Variants in RGS6 observed in about 807,000 individuals in gnomAD.
RGS6 encodes the protein regulator of G-protein signaling 6.
Under a neutral mutation model 78.5 loss-of-function variants are expected in RGS6, and 30 were observed. The ratio of observed to expected loss-of-function variants is 0.38; its 90% CI spans 0.29 to 0.52. RGS6 has a LOEUF of 0.52. Ranked by LOEUF, RGS6 falls within the 20% of genes least tolerant of loss-of-function variation. The probability of loss-of-function intolerance (pLI) is 0.85; values close to 1 mark genes in which losing one functional copy is unlikely to be tolerated. For missense variants in RGS6, 495 were observed against 609.7 expected, an observed-to-expected ratio of 0.81 and a Z score of 1.98; for synonymous variants, 206 against 206.0, an observed-to-expected ratio of 1.00 and a Z score of 0.00.
At chr14:72,427,542 A>G (rs532231072) in intron 3 of RGS6, among the ~76,000 whole-genome samples, 1 of 152,276 alleles carries the variant, frequency 6.6e-6, no homozygotes, top group African/African-American at 2.4e-5. Context: ...AAGATAAGTG[A>G]TTATTCTGTT....
At chr14:72,179,500 G>A (rs1299615555) in intron 2 of RGS6, among the ~76,000 whole-genome samples, 7 of 152,194 alleles carry the variant, frequency 4.6e-5, no homozygotes, top group Non-Finnish European at 5.9e-5. Flanking sequence ...TAACATAGCC[G>A]CATGGCAGGG....
At chr14:72,302,601 T>C (rs1000767645) in intron 2 of RGS6, among the ~76,000 whole-genome samples, 1 of 152,164 alleles carries the variant, frequency 6.6e-6, no homozygotes, top group Non-Finnish European at 1.5e-5. Context: ...TGCATCATTA[T>C]TGAAGTAAAT....
chr14:72,487,864 A>G (rs938563935), intron 12 of RGS6, among the ~76,000 whole-genome samples: 1 of 111,180 alleles, frequency 9.0e-6, no homozygotes, highest in Admixed American at 1.0e-4. Context: ...AAACAAATAT[A>G]AAACCCCAGT....
chr14:72,111,375 T>C (rs1436837522), intron 2 of RGS6, among the ~76,000 whole-genome samples: 1 of 152,180 alleles, frequency 6.6e-6, no homozygotes, highest in African/African-American at 2.4e-5. Flanking sequence ...GAATGGCCAT[T>C]CCATGTGGAA....
intron 1 of RGS6, among the ~76,000 whole-genome samples, chr14:71,960,038 T>C (rs1161044165): frequency 6.6e-6 from 1 of 152,180 alleles, no homozygotes; most frequent in Non-Finnish European, 1.5e-5. Flanking sequence ...CTGCTCAACA[T>C]TGTTAGCTGC....
At chr14:72,620,371 A>T in the RGS6 span, among the ~76,000 whole-genome samples, 4 of 152,208 alleles carry the variant, frequency 2.6e-5, no homozygotes, top group East Asian at 7.7e-4. Context: ...ATATTTGAAG[A>T]TCTTAATTGA....
At chr14:72,569,696 C>CAGGG (rs1176797559), downstream of RGS6, among the ~76,000 whole-genome samples, 24 of 120,702 alleles carry the variant, frequency 2.0e-4, no homozygotes, top group South Asian at 2.1e-3. Context: ...GGAAGGAAGG[C>CAGGG]AGGGAGGGAG....
intron 2 of RGS6, among the ~76,000 whole-genome samples, chr14:72,131,515 C>A (rs569913904): frequency 1.3e-5 from 2 of 152,156 alleles, no homozygotes; most frequent in Non-Finnish European, 2.9e-5. Flanking sequence ...TCAACAGTAA[C>A]CTTAATGGGA....
intron 2 of RGS6, among the ~76,000 whole-genome samples, chr14:72,280,036 A>G (rs1276984459): frequency 6.6e-6 from 1 of 152,174 alleles, no homozygotes; most frequent in Non-Finnish European, 1.5e-5. Flanking sequence ...GATGCACATA[A>G]AAATTATTAA....
intron 1 of RGS6, among the ~76,000 whole-genome samples, chr14:71,940,888 C>A (rs148185035): frequency 6.4e-4 from 97 of 152,350 alleles, no homozygotes; most frequent in African/African-American, 2.3e-3. Context: ...CCACCCCAAT[C>A]TCCCTAAGCC....
At position 72,540,496 on chromosome 14, in the gene RGS6, A is replaced by G. The variant is rs2097310373; in HGVS notation, c.1422+402A>G. 3 of 1,563,330 alleles carry G rather than the reference A, an allele frequency of 1.9e-6. No individual in the cohort carries two copies. The Admixed American group carries it at 5.8e-5, about 30-fold the overall frequency. On this transcript the variant is annotated intron_variant, in intron 17 of 17. Transcript: ENST00000553525. Reference sequence around the variant, plus strand: ...CTCAGAACCATAGCTCATCGAAAAAAAAAAAAAAAGCCAAAATTTCCCTCT... The same window carrying G: ...CTCAGAACCATAGCTCATCGAAAAAGAAAAAAAAAGCCAAAATTTCCCTCT...
At chr14:72,128,012 T>C (rs995934749) in intron 2 of RGS6, among the ~76,000 whole-genome samples, 1 of 152,230 alleles carries the variant, frequency 6.6e-6, no homozygotes, top group Non-Finnish European at 1.5e-5. Flanking sequence ...TTCCTTTTTA[T>C]TACTGAGTAG....
chr14:72,304,496 C>A (rs950752007), intron 2 of RGS6, among the ~76,000 whole-genome samples: 7 of 152,164 alleles, frequency 4.6e-5, no homozygotes, highest in Non-Finnish European at 8.8e-5. Flanking sequence ...ATTTTCTATT[C>A]CACATTTTGC....
chr14:72,053,246 A>T (rs1206215817), intron 2 of RGS6, among the ~76,000 whole-genome samples: 4 of 149,898 alleles, frequency 2.7e-5, no homozygotes, highest in Non-Finnish European at 4.4e-5. Context: ...CAACCTCCCG[A>T]GTAGCTGGGG....
intron 2 of RGS6, among the ~76,000 whole-genome samples, chr14:72,258,972 T>G (rs2057607295): frequency 6.6e-6 from 1 of 152,182 alleles, no homozygotes; most frequent in Non-Finnish European, 1.5e-5. Context: ...TCTTTAATCA[T>G]GGTGTCTACG....
intron 3 of RGS6, among the ~76,000 whole-genome samples, chr14:72,410,375 A>C (rs2093318513): frequency 6.6e-6 from 1 of 152,192 alleles, no homozygotes; most frequent in Non-Finnish European, 1.5e-5. Flanking sequence ...TCTTTTGAGA[A>C]GTGTCTGTTC....
At chr14:72,278,265 C>G (rs1203586287) in intron 2 of RGS6, among the ~76,000 whole-genome samples, 1 of 152,126 alleles carries the variant, frequency 6.6e-6, no homozygotes, top group Non-Finnish European at 1.5e-5. Context: ...CACACCTTGT[C>G]CAGAAACAAT....
intron 2 of RGS6, among the ~76,000 whole-genome samples, chr14:72,054,732 C>T (rs1241182946): frequency 6.6e-6 from 1 of 152,192 alleles, no homozygotes; most frequent in Admixed American, 6.5e-5. Flanking sequence ...ACCTCCCCAT[C>T]CCTCTGCCAC....
chr14:72,028,523 T>TA (rs1319859855), intron 2 of RGS6, among the ~76,000 whole-genome samples: 24 of 152,372 alleles, frequency 1.6e-4, no homozygotes, highest in African/African-American at 5.8e-4. Context: ...ATGCTAATGC[T>TA]ATACTTCAAA....
Sources: allele counts gnomAD v4.1 joint callset (sites outside exome capture counted in the v4.1 genomes callset), GRCh38; gene constraint gnomAD v4.1.1; transcripts MANE v1.5; gene names NCBI Gene and HGNC (gene_info 2026-07-23, HGNC 2026-07-21).